Variants in MCPH1 observed in about 807,000 individuals in gnomAD.
MCPH1 encodes the protein microcephalin 1.
Under a neutral mutation model 84.5 loss-of-function variants are expected in MCPH1, and 104 were observed. The ratio of observed to expected loss-of-function variants is 1.23; its 90% CI spans 1.05 to 1.45. The LOEUF (loss-of-function observed/expected upper bound fraction) is 1.45. Among genes scored for constraint, MCPH1 ranks in the 40% most tolerant of loss-of-function variants. The probability of loss-of-function intolerance (pLI) is 0.00; values close to 1 mark genes in which losing one functional copy is unlikely to be tolerated. For missense variants in MCPH1, 1,498 were observed against 1,005.7 expected (o/e 1.49, Z -6.62); for synonymous variants, 514 against 366.8 (o/e 1.40, Z -4.58).
chr8:6,521,954 G>A (rs556010635), intron 12 of MCPH1, among the ~76,000 whole-genome samples: 1 of 152,302 alleles, frequency 6.6e-6, no homozygotes, highest in South Asian at 2.1e-4. Flanking sequence ...CCAGCCCTGC[G>A]ACTTGGAACA....
At position 6,648,031 on chromosome 8, in the gene MCPH1, G is replaced by C. The variant is rs555145721; in HGVS notation, c.*4982G>C. Reference sequence around the variant, plus strand: ...TTTCTCTTCCACAGCAATGAGTGCAGGTAGCTAACACTGACCAACCTGCAT... The same window carrying C: ...TTTCTCTTCCACAGCAATGAGTGCACGTAGCTAACACTGACCAACCTGCAT... On this transcript the variant is annotated 3_prime_UTR_variant, in exon 14 of 14. Coordinates refer to ENST00000344683, the MANE Select transcript of MCPH1 (RefSeq NM_024596.5). The C allele has an allele frequency of 4.6e-5, 7 of 152,308 alleles. No individual in the cohort carries two copies. The highest frequency in any genetic ancestry group is 1.4e-4 in the African/African-American group (6 of 41,564). The allele number at this position is 152,308 out of a possible 1,614,324, so 9.4% of individuals were successfully genotyped here.
chr8:6,516,849 A>G (rs1267104593), intron 12 of MCPH1, among the ~76,000 whole-genome samples: 2 of 152,180 alleles, frequency 1.3e-5, no homozygotes, highest in Non-Finnish European at 2.9e-5. Flanking sequence ...TCAGAGAACA[A>G]GTTTATCTTG....
chr8:6,613,416 T>C (rs1407080786), intron 12 of MCPH1, among the ~76,000 whole-genome samples: 2 of 151,958 alleles, frequency 1.3e-5, no homozygotes, highest in South Asian at 2.1e-4. Flanking sequence ...TTTGACTCAG[T>C]CTGACGTGGA....
chr8:6,527,485 A>C, intron 12 of MCPH1: 1 of 1,556,910 alleles, frequency 6.4e-7, no homozygotes, highest in Admixed American at 1.7e-5. Context: ...ATAATTCATC[A>C]TTTGAGACCG....
At chr8:6,564,181 C>T (rs926270166) in intron 12 of MCPH1, among the ~76,000 whole-genome samples, 1 of 151,996 alleles carries the variant, frequency 6.6e-6, no homozygotes, top group African/African-American at 2.4e-5. Context: ...AGGGTTTCAC[C>T]ATGTTAGGCT....
intron 13 of MCPH1, among the ~76,000 whole-genome samples, chr8:6,633,228 A>G (rs1209577182): frequency 6.6e-6 from 1 of 152,184 alleles, no homozygotes; most frequent in Admixed American, 6.5e-5. Context: ...AAAAATTACA[A>G]GAATTATACA....
intron 3 of MCPH1, among the ~76,000 whole-genome samples, chr8:6,419,579 T>A (rs1206359397): frequency 2.0e-5 from 3 of 151,242 alleles, no homozygotes; most frequent in Non-Finnish European, 4.4e-5. Flanking sequence ...TTTTTTTGTA[T>A]TTTTAGTAGA....
intron 12 of MCPH1, among the ~76,000 whole-genome samples, chr8:6,555,281 A>C (rs913795825): frequency 7.9e-5 from 12 of 152,204 alleles, no homozygotes; most frequent in Non-Finnish European, 1.6e-4. Flanking sequence ...AGAGAAGGCC[A>C]CATGGAACTT....
chr8:6,508,608 A>G, intron 12 of MCPH1: 2 of 471,678 alleles, frequency 4.2e-6, no homozygotes, highest in South Asian at 9.7e-5. Flanking sequence ...ATAAAGCAAA[A>G]TGTAATTAAA....
intron 12 of MCPH1, among the ~76,000 whole-genome samples, chr8:6,509,423 A>T (rs1349054124): frequency 6.6e-6 from 1 of 152,206 alleles, no homozygotes; most frequent in African/African-American, 2.4e-5. Flanking sequence ...ATAGAGACGG[A>T]GTCCTGAGAC....
chr8:6,450,679 C>A (rs1396128643), intron 8 of MCPH1, among the ~76,000 whole-genome samples: 3 of 151,952 alleles, frequency 2.0e-5, no homozygotes, highest in South Asian at 4.2e-4. Context: ...TCATTTTTGT[C>A]ATCCATTTTG....
chr8:6,441,246 G>T (rs1803466772), intron 6 of MCPH1, among the ~76,000 whole-genome samples: 1 of 152,210 alleles, frequency 6.6e-6, no homozygotes, highest in Admixed American at 6.5e-5. Context: ...AATTGTTTCA[G>T]TGTGCAATTA....
At chr8:6,414,288 A>G (rs2440438) in intron 2 of MCPH1, among the ~76,000 whole-genome samples, 148,057 of 152,248 alleles carry the variant, frequency 0.97, 72,123 homozygotes, top group East Asian at 1. Context: ...GATTACAGGC[A>G]TGAGCCACCA....
At chr8:6,603,102 T>C (rs766548336) in intron 12 of MCPH1, among the ~76,000 whole-genome samples, 47 of 151,908 alleles carry the variant, frequency 3.1e-4, no homozygotes, top group Non-Finnish European at 1.2e-4. Context: ...TTTTCTCAGT[T>C]TCCCCAAAAA....
chr8:6,539,899 A>G (rs1219192004), intron 12 of MCPH1, among the ~76,000 whole-genome samples: 1 of 152,178 alleles, frequency 6.6e-6, no homozygotes, highest in Non-Finnish European at 1.5e-5. Context: ...TTAATAATTT[A>G]TGAGTGACTA....
intron 12 of MCPH1, among the ~76,000 whole-genome samples, chr8:6,510,394 T>A (rs1257374202): frequency 6.6e-6 from 1 of 152,200 alleles, no homozygotes; most frequent in African/African-American, 2.4e-5. Context: ...ACCAAGATGA[T>A]GCCCTTCTTT....
intron 12 of MCPH1, among the ~76,000 whole-genome samples, chr8:6,619,678 G>A (rs181808724): frequency 2.0e-3 from 299 of 149,938 alleles, no homozygotes; most frequent in African/African-American, 7.1e-3. Flanking sequence ...TCCACCTCCC[G>A]GGTTCACACC....
intron 12 of MCPH1, among the ~76,000 whole-genome samples, chr8:6,546,565 A>G (rs1043043483): frequency 1.1e-4 from 17 of 152,198 alleles, no homozygotes; most frequent in Non-Finnish European, 1.9e-4. Context: ...ATTTATATGT[A>G]TATTGGTATT....
chr8:6,420,219 A>C (rs1055353944), intron 3 of MCPH1, among the ~76,000 whole-genome samples: 1 of 152,010 alleles, frequency 6.6e-6, no homozygotes, highest in Non-Finnish European at 1.5e-5. Context: ...TCTTGCTCCC[A>C]TTCAGACCCC....
Sources: allele counts gnomAD v4.1 joint callset (sites outside exome capture counted in the v4.1 genomes callset), GRCh38; gene constraint gnomAD v4.1.1; transcripts MANE v1.5; gene names NCBI Gene and HGNC (gene_info 2026-07-23, HGNC 2026-07-21).